Variants in MAD1L1 observed in about 807,000 individuals in gnomAD.
MAD1L1 encodes the protein mitotic arrest deficient 1 like 1.
In MAD1L1, 95 loss-of-function variants were observed where a neutral mutation model predicts 96.9. The ratio of observed to expected loss-of-function variants is 0.98; its 90% CI spans 0.83 to 1.16. The LOEUF is 1.16. Ranked by LOEUF, MAD1L1 falls within the 50% of genes most tolerant of loss-of-function variation. The probability of loss-of-function intolerance (pLI) is 0.00; values close to 1 mark genes in which losing one functional copy is unlikely to be tolerated. For missense variants in MAD1L1, 1,007 were observed against 954.4 expected (o/e 1.06, Z -0.73); for synonymous variants, 473 against 396.6 (o/e 1.19, Z -2.29).
intron 16 of MAD1L1, among the ~76,000 whole-genome samples, chr7:1,951,064 G>T (rs989550105): frequency 3.9e-4 from 59 of 152,376 alleles, no homozygotes; most frequent in African/African-American, 1.3e-3. Flanking sequence ...CAGACACGTG[G>T]GCTTCACCCG....
intron 5 of MAD1L1, chr7:2,221,117 G>A (rs1273116465): frequency 2.5e-6 from 3 of 1,197,038 alleles, no homozygotes; most frequent in Non-Finnish European, 3.5e-6. Flanking sequence ...CAAAGCAGCA[G>A]CACCTGCAGC....
chr7:2,080,647 GC>G (rs767461286), intron 11 of MAD1L1, among the ~76,000 whole-genome samples: 16 of 152,072 alleles, frequency 1.1e-4, no homozygotes, highest in Non-Finnish European at 2.4e-4. Context: ...GGGCTCTGAC[GC>G]CAAGTCCATC....
In MAD1L1 at chr7:2,042,119, G is replaced by A. The variant is rs557951359; in HGVS notation, c.1218+27075C>T. On this transcript the variant is annotated intron_variant, in intron 12 of 18. Coordinates refer to ENST00000265854, the MANE Select transcript of MAD1L1 (RefSeq NM_001013836.2). ...CACACGCACATGTGCACACACACAC[G>A]CAGACACACATGCACACGGACATGC... 2.3e-4 allele frequency among the ~76,000 whole-genome samples: 33 copies of A among 144,370 alleles called. 1 individual carries two copies. Among genetic ancestry groups the A allele is most frequent in the East Asian group, 1.8e-3 (9 of 4,900 alleles). 94.7% of individuals were successfully genotyped at this position (144,370 alleles called of 152,430 possible).
At chr7:2,102,237 A>G (rs956737182) in intron 11 of MAD1L1, among the ~76,000 whole-genome samples, 3 of 148,550 alleles carry the variant, frequency 2.0e-5, no homozygotes, top group Admixed American at 6.6e-5. Flanking sequence ...CACCGCCACC[A>G]CCACCACCGC....
intron 18 of MAD1L1, among the ~76,000 whole-genome samples, chr7:1,856,719 T>C (rs1466094375): frequency 2.0e-5 from 3 of 152,050 alleles, no homozygotes; most frequent in Admixed American, 2.0e-4. Context: ...TCCAGACCAG[T>C]CCCTGCTTCC....
In MAD1L1 at chr7:1,893,570, C is replaced by T. The variant is rs1786684975; in HGVS notation, c.1998+4630G>A. Among the ~76,000 whole-genome samples, 4 of 152,088 alleles carry T rather than the reference C, an allele frequency of 2.6e-5. No individual in the cohort carries two copies. In the South Asian group the frequency reaches 8.3e-4, roughly 31 times the overall value. On this transcript the variant is annotated intron_variant, in intron 18 of 18. Coordinates refer to ENST00000265854, the MANE Select transcript of MAD1L1 (RefSeq NM_001013836.2). ...GCAGGGGGCCTGTCTCCCTGCTCTC[C>T]CTGCCCTCCCACACTGGCCTCTGCC...
chr7:2,194,559 T>C (rs1268752774), intron 10 of MAD1L1, among the ~76,000 whole-genome samples: 2 of 152,168 alleles, frequency 1.3e-5, no homozygotes, highest in Non-Finnish European at 2.9e-5. Context: ...TATTCTGGGC[T>C]AGAAAGGCAG....
chr7:1,841,089 G>A lies in MAD1L1; in HGVS notation c.1999-24861C>T, dbSNP rs550725614. On this transcript the variant is annotated intron_variant, in intron 18 of 18. Transcript: ENST00000265854. ...GCTCCCGGGCCGGCTCTACTCTGTG[G>A]GGGGCAGGTGCGGCTCTGGGGGTCC... 9.2e-5 allele frequency among the ~76,000 whole-genome samples: 14 copies of A among 152,332 alleles called. 1 individual carries two copies. The South Asian group carries it at 2.9e-3, about 32-fold the overall frequency.
intron 11 of MAD1L1, chr7:2,079,871 T>A (rs1013837637): frequency 3.2e-5 from 13 of 403,966 alleles, no homozygotes; most frequent in Middle Eastern, 7.2e-4. Flanking sequence ...AACCGCCCCA[T>A]GCCCTCCAGC....
intron 15 of MAD1L1, among the ~76,000 whole-genome samples, chr7:1,975,720 G>C (rs1374096777): frequency 1.3e-5 from 2 of 152,212 alleles, no homozygotes; most frequent in East Asian, 1.9e-4. Context: ...GGAGATCACA[G>C]AGTGTCCTGA....
chr7:1,883,447 G>A (rs1319601006), intron 18 of MAD1L1, among the ~76,000 whole-genome samples: 1 of 152,212 alleles, frequency 6.6e-6, no homozygotes, highest in Admixed American at 6.5e-5. Flanking sequence ...GTCATGGGGA[G>A]GGCTGCCCAT....
intron 10 of MAD1L1, among the ~76,000 whole-genome samples, chr7:2,157,026 T>G (rs1376637762): frequency 6.6e-6 from 1 of 152,132 alleles, no homozygotes; most frequent in Non-Finnish European, 1.5e-5. Flanking sequence ...AATATTAGGT[T>G]ACAGAATTTG....
At chr7:1,844,928 G>A (rs1372184907) in intron 18 of MAD1L1, among the ~76,000 whole-genome samples, 2 of 152,258 alleles carry the variant, frequency 1.3e-5, no homozygotes, top group African/African-American at 4.8e-5. Flanking sequence ...CTGCTGGTCA[G>A]TGAGTGGGCA....
chr7:1,959,091 A>G (rs543847420), intron 15 of MAD1L1, among the ~76,000 whole-genome samples: 1 of 152,264 alleles, frequency 6.6e-6, no homozygotes, highest in Admixed American at 6.5e-5. Flanking sequence ...TTCTCTACTA[A>G]AAATAAAAAA....
chr7:2,091,602 C>T (rs539185573), intron 11 of MAD1L1, among the ~76,000 whole-genome samples: 6 of 152,238 alleles, frequency 3.9e-5, no homozygotes, highest in South Asian at 2.1e-4. Context: ...GGTGAAACCC[C>T]GTCTCTACCA....
chr7:2,162,616 A>T (rs568923297), intron 10 of MAD1L1, among the ~76,000 whole-genome samples: 1 of 151,658 alleles, frequency 6.6e-6, no homozygotes, highest in Non-Finnish European at 1.5e-5. Context: ...ACAAAAAACC[A>T]ACTTAAAGGG....
At chr7:1,837,555 C>T (rs1456549078) in intron 18 of MAD1L1, among the ~76,000 whole-genome samples, 1 of 152,258 alleles carries the variant, frequency 6.6e-6, no homozygotes, top group African/African-American at 2.4e-5. Flanking sequence ...GAATGCCCGT[C>T]AACATCTGGA....
chr7:2,091,288 G>C (rs936751914), intron 11 of MAD1L1, among the ~76,000 whole-genome samples: 2 of 151,952 alleles, frequency 1.3e-5, no homozygotes, highest in Admixed American at 6.6e-5. Flanking sequence ...CCCTGCTCTG[G>C]GCCCCGGTCA....
At chr7:1,935,461 C>G (rs1325327045) in intron 17 of MAD1L1, among the ~76,000 whole-genome samples, 1 of 152,218 alleles carries the variant, frequency 6.6e-6, no homozygotes, top group Non-Finnish European at 1.5e-5. Flanking sequence ...CACCCGCTAG[C>G]CAGCCACTAA....
Sources: allele counts gnomAD v4.1 joint callset (sites outside exome capture counted in the v4.1 genomes callset), GRCh38; gene constraint gnomAD v4.1.1; transcripts MANE v1.5; gene names NCBI Gene and HGNC (gene_info 2026-07-23, HGNC 2026-07-21).